The following ZFAND4 variants were observed in gnomAD, a reference collection of about 807,000 sequenced individuals.
ZFAND4 encodes the protein zinc finger AN1-type containing 4.
ZFAND4 carries 43 observed loss-of-function variants against 64.4 expected under a neutral mutation model. The ratio of observed to expected loss-of-function variants is 0.67; its 90% CI spans 0.52 to 0.86. The LOEUF (loss-of-function observed/expected upper bound fraction) is 0.86. Among genes scored for constraint, ZFAND4 ranks in the 40% least tolerant of loss-of-function variants. The pLI, the probability that ZFAND4 is intolerant of heterozygous loss-of-function variation, is 0.00. For missense variants in ZFAND4, 929 were observed against 859.8 expected (o/e 1.08, Z -1.01); for synonymous variants, 296 against 305.7 (o/e 0.97, Z 0.33).
At chr10:45,635,892 C>CA (rs1737851330) in intron 6 of ZFAND4, among the ~76,000 whole-genome samples, 1 of 151,682 alleles carries the variant, frequency 6.6e-6, no homozygotes, top group African/African-American at 2.4e-5. Context: ...TATTTTACCA[C>CA]AAAAATAAAA....
At chr10:45,669,796 T>A (rs904775552) in intron 1 of ZFAND4, among the ~76,000 whole-genome samples, 1 of 152,212 alleles carries the variant, frequency 6.6e-6, no homozygotes, top group African/African-American at 2.4e-5. Flanking sequence ...ATTATCTTAA[T>A]AGATGCAGAA....
chr10:45,639,739 T>G (rs2046858311), intron 6 of ZFAND4, 77 bp downstream of exon 6: 2 of 1,458,968 alleles, frequency 1.4e-6, no homozygotes, highest in South Asian at 3.1e-5. Context: ...TTTTTCACAA[T>G]GACCAACAGA....
intron 8 of ZFAND4, among the ~76,000 whole-genome samples, chr10:45,620,509 G>A (rs1589233826): frequency 6.6e-6 from 1 of 152,224 alleles, no homozygotes; most frequent in African/African-American, 2.4e-5. Context: ...TTGCGAATGT[G>A]TAGAGACAGA....
intron 8 of ZFAND4, among the ~76,000 whole-genome samples, chr10:45,622,959 T>C (rs2045542198): frequency 6.6e-6 from 1 of 151,472 alleles, no homozygotes; most frequent in African/African-American, 2.4e-5. Flanking sequence ...GATCTACAAA[T>C]GGCCAATAAG....
Position 45,626,015 on chromosome 10 carries a change from T to C in ZFAND4, c.1808A>G (p.Gln603Arg), listed in dbSNP as rs1242953964. ...CCTAAAGTTTTCTTCCTGAAAATGC[T>C]GGAGGTTTGTAGACAGCCCAGTTCC... ...NSGTGLSTNL[Q>R]HFQEENFRKS... is the part of the protein sequence containing the mutation. Residue 603 changes from glutamine to arginine, a missense_variant, in exon 7 of 10, where the codon CAG (glutamine) becomes CGG (arginine). By Grantham distance (43) the Gln-to-Arg change is conservative. Coordinates refer to ENST00000344646, the MANE Select transcript of ZFAND4 (RefSeq NM_174890.4). 2.5e-6 allele frequency: 4 copies of C among 1,614,196 alleles called. No homozygotes were observed. The highest frequency in any genetic ancestry group is 3.4e-6 in the Non-Finnish European group (4 of 1,180,036).
chr10:45,646,652 T>A (rs1243450417), intron 5 of ZFAND4, among the ~76,000 whole-genome samples: 1 of 152,074 alleles, frequency 6.6e-6, no homozygotes, highest in Non-Finnish European at 1.5e-5. Flanking sequence ...AAACACAGCA[T>A]AATGAGAAGA....
chr10:45,641,625 T>C (rs769037716), intron 5 of ZFAND4, among the ~76,000 whole-genome samples: 1 of 152,212 alleles, frequency 6.6e-6, no homozygotes, highest in Non-Finnish European at 1.5e-5. Flanking sequence ...CAGTCTGTGG[T>C]GCTTGACTTG....
intron 8 of ZFAND4, 53 bp from the exon 9 acceptor site, chr10:45,618,313 A>T: frequency 6.3e-7 from 1 of 1,586,562 alleles, no homozygotes. Context: ...CCTAAACATG[A>T]AATATTATTA....
intron 8 of ZFAND4, among the ~76,000 whole-genome samples, chr10:45,618,915 A>G (rs2045205690): frequency 6.6e-6 from 1 of 152,234 alleles, no homozygotes; most frequent in Non-Finnish European, 1.5e-5. Context: ...AACTAACAGT[A>G]CACAGCTCAA....
intron 4 of ZFAND4, chr10:45,651,026 T>C (rs1158582127): frequency 6.6e-6 from 1 of 152,162 alleles, no homozygotes; most frequent in African/African-American, 2.4e-5. Context: ...CTAACCAAAA[T>C]TATTAAACAT....
rs373232001 is a variant in ZFAND4 at position 45,626,819 on chromosome 10, A to G, written c.1004T>C (p.Val335Ala). ...ATGGGGTATCTGAGGAGGTAGTTTG[A>G]CGTTGCTACTGAAGTGAGACAGTGT... ...NNTLSHFSSN[V>A]KLPPQIPHLE... Residue 335 changes from valine (V) to alanine (A), a missense_variant, in exon 7 of 10, where the codon GTC becomes GCC. By Grantham distance (64) the Val-to-Ala change is moderately conservative (BLOSUM62 0). Coordinates refer to ENST00000344646, the MANE Select transcript of ZFAND4 (RefSeq NM_174890.4). The G allele has an allele frequency of 2.8e-5, 45 of 1,614,078 alleles. No homozygotes were observed. The highest frequency in any genetic ancestry group is 3.6e-5 in the Non-Finnish European group (42 of 1,180,052).
chr10:45,628,087 T>C (rs940021854), intron 6 of ZFAND4, among the ~76,000 whole-genome samples: 20 of 152,216 alleles, frequency 1.3e-4, no homozygotes, highest in African/African-American at 4.6e-4. Context: ...CAAGATCTTA[T>C]GAATAAAGTT....
At position 45,626,810 on chromosome 10, in the gene ZFAND4, G is replaced by A; in HGVS notation, c.1013C>T (p.Pro338Leu). Residue 338 changes from proline to leucine, a missense_variant, in exon 7 of 10, where the codon CCT (proline) becomes CTT (leucine). By Grantham distance (98) the Pro-to-Leu change is moderately conservative (BLOSUM62 -3). Transcript: ENST00000344646. ...CAACTCCAAATGGGGTATCTGAGGAGGTAGTTTGACGTTGCTACTGAAGTG... is the reference window on the plus strand; with the variant it reads ...CAACTCCAAATGGGGTATCTGAGGAAGTAGTTTGACGTTGCTACTGAAGTG... ...LSHFSSNVKL[P>L]PQIPHLELGN... The A allele has an allele frequency of 1.2e-6, 2 of 1,614,236 alleles. No individual in the cohort carries two copies. Among genetic ancestry groups the A allele is most frequent in the Non-Finnish European group, 1.7e-6 (2 of 1,180,044 alleles).
intron 2 of ZFAND4, among the ~76,000 whole-genome samples, chr10:45,656,986 C>T (rs910544293): frequency 2.0e-5 from 3 of 151,018 alleles, no homozygotes; most frequent in Non-Finnish European, 4.4e-5. Context: ...GACATCCAAT[C>T]TATGGTATTC....
chr10:45,642,827 T>C (rs1032445370), intron 5 of ZFAND4, among the ~76,000 whole-genome samples: 3 of 151,342 alleles, frequency 2.0e-5, no homozygotes, highest in Non-Finnish European at 2.9e-5. Context: ...TAATCCGAAA[T>C]GACTTTCTTT....
Position 45,626,204 on chromosome 10 carries a change from ACAT to A in ZFAND4, c.1616_1618del (p.Asp539del). ...ATCCCGAGCCTCAACTTTGGAAATA[ACAT>A]CAGATCTTTTCCCAAGTGAATCAAC... On this transcript the variant is annotated inframe_deletion, in exon 7 of 10. Coordinates refer to ENST00000344646, the MANE Select transcript of ZFAND4 (RefSeq NM_174890.4). 6.2e-7 allele frequency: 1 copy of A among 1,614,226 alleles called. No homozygotes were observed. Among genetic ancestry groups the A allele is most frequent in the Non-Finnish European group, 8.5e-7 (1 of 1,180,040 alleles).
intron 7 of ZFAND4, among the ~76,000 whole-genome samples, chr10:45,625,061 C>T (rs1161954111): frequency 6.6e-6 from 1 of 151,666 alleles, no homozygotes; most frequent in Admixed American, 6.6e-5. Flanking sequence ...CCTGTAGTCC[C>T]AGGGACTCAA....
chr10:45,656,347 C>T (rs1192321402), intron 2 of ZFAND4, among the ~76,000 whole-genome samples: 1 of 150,984 alleles, frequency 6.6e-6, no homozygotes, highest in African/African-American at 2.4e-5. Context: ...TGCTTGTAAT[C>T]CCAGCACTTT....
At chr10:45,671,011 T>C (rs1336620611) in intron 1 of ZFAND4, among the ~76,000 whole-genome samples, 1 of 152,092 alleles carries the variant, frequency 6.6e-6, no homozygotes, top group Non-Finnish European at 1.5e-5. Flanking sequence ...CATCAAAAAG[T>C]GGGCAAAGGA....
Sources: allele counts gnomAD v4.1 joint callset (sites outside exome capture counted in the v4.1 genomes callset), GRCh38; gene constraint gnomAD v4.1.1; transcripts MANE v1.5; gene names NCBI Gene and HGNC (gene_info 2026-07-23, HGNC 2026-07-21).